The following FAM135B variants were observed in gnomAD, a reference collection of about 807,000 sequenced individuals.
The protein encoded by FAM135B is family with sequence similarity 135 member B.
Under a neutral mutation model 127.7 loss-of-function variants are expected in FAM135B, and 43 were observed. The ratio of observed to expected loss-of-function variants is 0.34; its 90% CI spans 0.26 to 0.43. The LOEUF (loss-of-function observed/expected upper bound fraction) is 0.43. Among genes scored for constraint, FAM135B ranks in the 20% least tolerant of loss-of-function variants. FAM135B has a pLI of 1.00. For missense variants in FAM135B, 1,558 were observed against 1,725.6 expected (o/e 0.90, Z 1.72); for synonymous variants, 670 against 665.1 (o/e 1.01, Z -0.11).
chr8:138,382,059 T>C (rs1831891488), intron 1 of FAM135B, among the ~76,000 whole-genome samples: 1 of 152,092 alleles, frequency 6.6e-6, no homozygotes, highest in African/African-American at 2.4e-5. Context: ...GGATCCAATT[T>C]TGTTTAGCAT....
Position 138,152,489 on chromosome 8 carries a change from G to A in FAM135B, c.1986C>T (p.His662=), listed in dbSNP as rs1314740746. The A allele has an allele frequency of 6.2e-7, 1 of 1,614,168 alleles. No individual in the cohort carries two copies. Among genetic ancestry groups the A allele is most frequent in the East Asian group, 2.2e-5 (1 of 44,852 alleles). ...CTGAGAGTTCCTCCTGCTCTTCTGT[G>A]TGAGAGTCCTTTAGGGAAGACCTAA... ...LDIRSSLKDS[H]TEEQEELSVL... Residue 662 remains histidine (H), a synonymous_variant, in exon 13 of 20, where the codon CAC becomes CAT. Transcript: ENST00000395297.
intron 6 of FAM135B, among the ~76,000 whole-genome samples, chr8:138,247,862 C>T (rs945766773): frequency 1.3e-5 from 2 of 152,204 alleles, no homozygotes; most frequent in Admixed American, 6.5e-5. Flanking sequence ...TAAACTATAA[C>T]TCCAATTTAC....
intron 1 of FAM135B, among the ~76,000 whole-genome samples, chr8:138,414,033 C>A (rs1368399000): frequency 6.6e-6 from 1 of 151,322 alleles, no homozygotes; most frequent in African/African-American, 2.4e-5. Flanking sequence ...GAAATGTCTA[C>A]AGATCAATGA....
chr8:138,197,075 ATGTGTGTGTGTG>A lies in FAM135B; in HGVS notation c.823+429_823+440del, dbSNP rs6150843. Among the ~76,000 whole-genome samples the A allele has an allele frequency of 1.0e-3, 136 of 132,462 alleles. 1 individual carries two copies. Among genetic ancestry groups the A allele is most frequent in the African/African-American group, 3.3e-3 (123 of 36,952 alleles). 86.9% of individuals were successfully genotyped at this position (132,462 alleles called of 152,430 possible). ...CCAGCTCAAGCATATATGTATGCAT[ATGTGTGTGTGTG>A]TGTGTGTGTGTGTGTGTGTGTGTGT... On this transcript the variant is annotated intron_variant, in intron 8 of 19. Transcript: ENST00000395297.
At chr8:138,436,332 C>A (rs985095) in intron 1 of FAM135B, among the ~76,000 whole-genome samples, 35,739 of 152,002 alleles carry the variant, frequency 0.24, 7,232 homozygotes, top group African/African-American at 0.55. Flanking sequence ...TGGAAAATAC[C>A]CCTGAGCATT....
chr8:138,480,372 C>A (rs948911754), intron 1 of FAM135B, among the ~76,000 whole-genome samples: 1 of 152,092 alleles, frequency 6.6e-6, no homozygotes, highest in African/African-American at 2.4e-5. Context: ...ATGATGGGAT[C>A]GCTCTGTTTC....
chr8:138,441,702 T>C (rs1464264550), intron 1 of FAM135B: 1 of 152,150 alleles, frequency 6.6e-6, no homozygotes, highest in Non-Finnish European at 1.5e-5. Context: ...AATTCTCTGC[T>C]TTCTGCCATA....
chr8:138,389,887 T>C (rs1200234980), intron 1 of FAM135B, among the ~76,000 whole-genome samples: 1 of 152,228 alleles, frequency 6.6e-6, no homozygotes, highest in African/African-American at 2.4e-5. Flanking sequence ...GGAAATTCCC[T>C]TCCTGAACAA....
At chr8:138,160,621 C>G (rs112872289) in intron 12 of FAM135B, among the ~76,000 whole-genome samples, 1 of 150,584 alleles carries the variant, frequency 6.6e-6, no homozygotes, top group Non-Finnish European at 1.5e-5. Context: ...TGGTCTCGAA[C>G]TCCTGAGCTC....
intron 2 of FAM135B, among the ~76,000 whole-genome samples, chr8:138,343,160 A>C (rs1293464192): frequency 1.3e-5 from 2 of 152,264 alleles, no homozygotes; most frequent in Non-Finnish European, 2.9e-5. Context: ...AGCTCAAAGG[A>C]AAATCCAGAA....
chr8:138,414,458 C>T (rs1834032394), intron 1 of FAM135B, among the ~76,000 whole-genome samples: 1 of 152,004 alleles, frequency 6.6e-6, no homozygotes, highest in Non-Finnish European at 1.5e-5. Context: ...TTCTTCATTC[C>T]CGAAACACCC....
In FAM135B at chr8:138,151,498, C is replaced by A. The variant is rs778218352; in HGVS notation, c.2977G>T (p.Val993Phe). Reference protein sequence around the residue: ...GTVCPTVTHSVHSQVLKNQEL... With the variant: ...GTVCPTVTHSFHSQVLKNQEL... ...TGGTTTTTCAAAACCTGGGAATGAA[C>A]GGAATGGGTCACAGTGGGGCACACA... is the stretch of plus-strand genomic sequence containing the variant. Residue 993 changes from valine to phenylalanine, a missense_variant, in exon 13 of 20, where the codon GTT becomes TTT. Transcript: ENST00000395297. 6.2e-7 allele frequency: 1 copy of A among 1,614,206 alleles called. No individual in the cohort carries two copies. Among genetic ancestry groups the A allele is most frequent in the Non-Finnish European group, 8.5e-7 (1 of 1,180,044 alleles).
chr8:138,264,825 A>G (rs1822793743), intron 4 of FAM135B, among the ~76,000 whole-genome samples: 1 of 152,184 alleles, frequency 6.6e-6, no homozygotes, highest in East Asian at 1.9e-4. Context: ...TAGATGCCCA[A>G]TAGGAGCTGT....
intron 1 of FAM135B, among the ~76,000 whole-genome samples, chr8:138,412,083 G>A (rs758775586): frequency 4.6e-5 from 7 of 152,158 alleles, no homozygotes; most frequent in Non-Finnish European, 1.0e-4. Flanking sequence ...TCGGGAAGGA[G>A]GGCAAGGGCT....
At chr8:138,237,222 A>G (rs574700529) in intron 7 of FAM135B, among the ~76,000 whole-genome samples, 109 of 143,256 alleles carry the variant, frequency 7.6e-4, no homozygotes, top group South Asian at 1.8e-3. Context: ...GTGCAGTGGT[A>G]CAATCTCAGC....
At chr8:138,265,919 T>C in intron 3 of FAM135B, 77 bp from the exon 4 acceptor site, 1 of 1,490,914 alleles carries the variant, frequency 6.7e-7, no homozygotes, top group Non-Finnish European at 9.0e-7. Flanking sequence ...GTGTCTTTCC[T>C]GCTCAAGTAG....
At chr8:138,247,188 CTT>C (rs1395414683) in intron 6 of FAM135B, among the ~76,000 whole-genome samples, 4 of 152,166 alleles carry the variant, frequency 2.6e-5, no homozygotes, top group African/African-American at 9.7e-5. Flanking sequence ...TGAATTAAGA[CTT>C]TGAGGGACTG....
At chr8:138,235,303 T>G (rs2130266229) in intron 7 of FAM135B, among the ~76,000 whole-genome samples, 1 of 149,748 alleles carries the variant, frequency 6.7e-6, no homozygotes. Flanking sequence ...GACTTGTCAT[T>G]TCCATTGCTG....
Position 138,307,751 on chromosome 8 carries a change from A to G in FAM135B, c.157+3090T>C, listed in dbSNP as rs868340528. On this transcript the variant is annotated intron_variant, in intron 3 of 19. Transcript: ENST00000395297. ...TTGTGGTAAAAAAAAAAAAAAAAAAAAGAGAGATACATGGAACAAAACAGC... is the reference window on the plus strand; with the variant it reads ...TTGTGGTAAAAAAAAAAAAAAAAAAGAGAGAGATACATGGAACAAAACAGC... Among the ~76,000 whole-genome samples, 1,124 of 131,044 alleles carry G rather than the reference A, an allele frequency of 8.6e-3. 15 individuals carry two copies. The highest frequency in any genetic ancestry group is 0.029 in the African/African-American group (1,042 of 35,394). The allele number at this position is 131,044 out of a possible 152,430, so 86.0% of individuals were successfully genotyped here. A position where few individuals can be genotyped will look rare whatever the true frequency, so the allele number is the denominator to read the frequency against.
Sources: allele counts gnomAD v4.1 joint callset (sites outside exome capture counted in the v4.1 genomes callset), GRCh38; gene constraint gnomAD v4.1.1; transcripts MANE v1.5; gene names NCBI Gene and HGNC (gene_info 2026-07-23, HGNC 2026-07-21).